The following NUP188 variants were observed in gnomAD, a reference collection of about 807,000 sequenced individuals.
The protein encoded by NUP188 is nucleoporin 188, also known as nucleoporin NUP188.
A neutral mutation model predicts 223.0 loss-of-function variants in NUP188; 97 were observed. The ratio of observed to expected loss-of-function variants is 0.43; its 90% CI spans 0.37 to 0.51. The LOEUF (loss-of-function observed/expected upper bound fraction) is 0.51. NUP188 is among the 20% of genes least tolerant of loss of function. The pLI, the probability that NUP188 is intolerant of heterozygous loss-of-function variation, is 0.00. For synonymous variants in NUP188, 869 were observed against 828.0 expected (o/e 1.05, Z -0.85); for missense variants, 1,947 against 2,175.6 (o/e 0.89, Z 2.09).
At chr9:129,004,215 G>T (rs545071140) in intron 38 of NUP188, among the ~76,000 whole-genome samples, 12 of 151,476 alleles carry the variant, frequency 7.9e-5, no homozygotes, top group African/African-American at 2.7e-4. Flanking sequence ...CTCAGGAGGT[G>T]GAGGTTGCAG....
Position 129,006,959 on chromosome 9 carries a change from C to G in NUP188, c.*281C>G. Reference sequence around the variant, plus strand: ...TTCCTTTCCAGCATTCCCCACAGCACTGCCGGCCAGGGGAGAGGCGGCAGC... The same window carrying G: ...TTCCTTTCCAGCATTCCCCACAGCAGTGCCGGCCAGGGGAGAGGCGGCAGC... On this transcript the variant is annotated 3_prime_UTR_variant, in exon 44 of 44. Transcript: ENST00000372577. 1 of 354,848 alleles carries G rather than the reference C, an allele frequency of 2.8e-6. No individual in the cohort carries two copies. The highest frequency in any genetic ancestry group is 5.1e-6 in the Non-Finnish European group (1 of 196,222). The allele number at this position is 354,848 out of a possible 1,614,324, so 22.0% of individuals were successfully genotyped here. A position where few individuals can be genotyped will look rare whatever the true frequency, so the allele number is the denominator to read the frequency against.
At chr9:128,994,793 T>C (rs1842491317) in intron 28 of NUP188, 63 bp from the exon 29 acceptor site, 1 of 1,346,252 alleles carries the variant, frequency 7.4e-7, no homozygotes, top group African/African-American at 1.4e-5. Flanking sequence ...GTTCCCTGTT[T>C]GATATACTGG....
At chr9:128,950,326 A>C (rs958333876) in intron 2 of NUP188, among the ~76,000 whole-genome samples, 1 of 151,720 alleles carries the variant, frequency 6.6e-6, no homozygotes, top group Non-Finnish European at 1.5e-5. Context: ...GGTTCAAGTG[A>C]TTCCTGCCTT....
chr9:128,998,708 G>C (rs754102576), intron 32 of NUP188, 85 bp downstream of exon 32: 12 of 1,088,682 alleles, frequency 1.1e-5, no homozygotes, highest in Non-Finnish European at 1.7e-5. Flanking sequence ...AGAAATAGTG[G>C]GTGGAAGCTG....
In NUP188 at chr9:129,002,851, C is replaced by G. The variant is rs764470697; in HGVS notation, c.4172C>G (p.Pro1391Arg). ...GCCTCTCGGAAGTCCCTGGATGCCC[C>G]CTCTTGGCCAGGAGTCTACCGCCTG... ...PSASRKSLDA[P>R]SWPGVYRLSM... The change falls in exon 37 of 44, where the codon CCC becomes CGC. Residue 1391 changes from proline to arginine, a missense_variant. Physicochemically the swap from Pro to Arg is moderately radical, Grantham distance 103. Transcript: ENST00000372577. 3 of 1,614,076 alleles carry G rather than the reference C, an allele frequency of 1.9e-6. No individual in the cohort carries two copies. The African/African-American group carries it at 4.0e-5, about 22-fold the overall frequency.
intron 25 of NUP188, among the ~76,000 whole-genome samples, chr9:128,992,561 T>C (rs901147881): frequency 6.6e-6 from 1 of 152,258 alleles, no homozygotes; most frequent in South Asian, 2.1e-4. Context: ...ATGTGCTTCA[T>C]GCCACATAGG....
chr9:128,979,912 G>A (rs937353325), intron 13 of NUP188, among the ~76,000 whole-genome samples: 7 of 152,152 alleles, frequency 4.6e-5, no homozygotes, highest in African/African-American at 1.2e-4. Flanking sequence ...GGTTACAGGC[G>A]TGAGCCACTG....
intron 27 of NUP188, 94 bp downstream of exon 27, chr9:128,993,788 T>A: frequency 8.5e-7 from 1 of 1,176,354 alleles, no homozygotes; most frequent in Non-Finnish European, 1.2e-6. Flanking sequence ...GACAGTTCAC[T>A]GGGAATAAGA....
rs1842096542 is a variant in NUP188 at position 128,970,906 on chromosome 9, T to C, written c.1061T>C (p.Val354Ala). ...GGTGGCACAGCCATCCAGCTGAATG[T>C]GTTTCAGTACTTGACCCGATTGCTC... The part of the protein sequence containing the change: ...KIGGTAIQLN[V>A]FQYLTRLLQS... Residue 354 changes from valine (V) to alanine (A), a missense_variant, in exon 11 of 44, where the codon GTG becomes GCG. Around this residue, in one of 3 missense-constraint regions of NUP188, gnomAD observed 817 missense variants for 865.8 expected, o/e 0.94. Coordinates refer to ENST00000372577, the MANE Select transcript of NUP188 (RefSeq NM_015354.3). The C allele has an allele frequency of 6.2e-7, 1 of 1,614,094 alleles. No homozygotes were observed. The highest frequency in any genetic ancestry group is 8.5e-7 in the Non-Finnish European group (1 of 1,180,020).
At chr9:128,985,060 AG>A in intron 20 of NUP188, 46 bp downstream of exon 20, 1 of 1,359,060 alleles carries the variant, frequency 7.4e-7, no homozygotes, top group East Asian at 2.3e-5. Context: ...GAAAAGGTCC[AG>A]TCTTGTCAGA....
intron 24 of NUP188, among the ~76,000 whole-genome samples, chr9:128,988,453 A>G (rs1842369005): frequency 6.6e-6 from 1 of 152,174 alleles, no homozygotes; most frequent in African/African-American, 2.4e-5. Flanking sequence ...TTTGTATCCA[A>G]TCAACTGTGT....
At chr9:128,978,964 C>G (rs1842217780) in intron 12 of NUP188, among the ~76,000 whole-genome samples, 1 of 152,188 alleles carries the variant, frequency 6.6e-6, no homozygotes, top group Non-Finnish European at 1.5e-5. Context: ...GCCGGCCTTG[C>G]CTCCCAAAGT....
In NUP188 at chr9:128,999,767, G is replaced by A. The variant is rs753908189; in HGVS notation, c.3805G>A (p.Asp1269Asn). The A allele has an allele frequency of 4.3e-6, 7 of 1,614,086 alleles. No homozygotes were observed. Among genetic ancestry groups the A allele is most frequent in the African/African-American group, 4.0e-5 (3 of 74,946 alleles). ...GGACAAGGACAGCATGGAGACTGAC[G>A]ACTGTTCTCGGTCCCGGCACAGGGA... The part of the protein sequence containing the change: ...TEDKDSMETD[D>N]CSRSRHRDQR... The change falls in exon 34 of 44, where the codon GAC (aspartate) becomes AAC (asparagine). Residue 1269 changes from aspartate to asparagine, a missense_variant. Transcript: ENST00000372577.
intron 28 of NUP188, among the ~76,000 whole-genome samples, 196 bp from the exon 29 acceptor site, chr9:128,994,660 C>T (rs1842488426): frequency 6.6e-6 from 1 of 152,208 alleles, no homozygotes; most frequent in African/African-American, 2.4e-5. Context: ...GTTGGTGGCT[C>T]TGTGGTCTTC....
chr9:129,004,452 A>T (rs1842737740), intron 38 of NUP188: 1 of 152,176 alleles, frequency 6.6e-6, no homozygotes, highest in South Asian at 2.1e-4. Flanking sequence ...GTTACTTGTA[A>T]CCTTTTATTC....
chr9:128,968,591 A>T lies in NUP188; in HGVS notation c.671A>T (p.Tyr224Phe). The T allele has an allele frequency of 6.2e-7, 1 of 1,614,072 alleles. No homozygotes were observed. The highest frequency in any genetic ancestry group is 8.5e-7 in the Non-Finnish European group (1 of 1,179,950). ...GAAATTATTTTCCTTTATTATGCAT[A>T]CTTTGAGATGGCACCCAGTGACTTA... is the stretch of plus-strand genomic sequence containing the variant. Reference protein sequence around the residue: ...LLEIIFLYYAYFEMAPSDLLV... With the variant: ...LLEIIFLYYAFFEMAPSDLLV... Residue 224 changes from tyrosine to phenylalanine, a missense_variant, in exon 9 of 44, where the codon TAC becomes TTC. Tyr to Phe is a conservative substitution (Grantham distance 22). This residue lies in a region of NUP188 where 817 missense variants were observed against 865.8 expected (regional missense o/e 0.94). Transcript: ENST00000372577.
At chr9:129,003,615 A>G (rs1323703020) in intron 38 of NUP188, 161 bp downstream of exon 38, 1 of 852,022 alleles carries the variant, frequency 1.2e-6, no homozygotes, top group Non-Finnish European at 1.9e-6. Context: ...TACTCTGGCT[A>G]AATGTTTCCT....
intron 30 of NUP188, 92 bp from the exon 31 acceptor site, chr9:128,998,059 A>G (rs1163468915): frequency 3.4e-6 from 3 of 875,950 alleles, no homozygotes; most frequent in East Asian, 4.8e-5. Context: ...TGTTTTACCA[A>G]TGACTAATTG....
rs1359653040 is a variant in NUP188 at position 128,993,352 on chromosome 9, C to T, written c.2796C>T (p.Leu932=). Reference sequence around the variant, plus strand: ...TTGCAGTAGAGACCCAGCCAGGCCTCATCGAACTGTTTCTGAACCTGGAAG... The same window carrying T: ...TTGCAGTAGAGACCCAGCCAGGCCTTATCGAACTGTTTCTGAACCTGGAAG... The part of the protein sequence containing the change: ...LTVAVETQPG[L]IELFLNLEVK... Residue 932 remains leucine, a synonymous_variant, in exon 26 of 44, where the codon CTC becomes CTT. Coordinates refer to ENST00000372577, the MANE Select transcript of NUP188 (RefSeq NM_015354.3). 3 of 1,614,196 alleles carry T rather than the reference C, an allele frequency of 1.9e-6. No homozygotes were observed. The highest frequency in any genetic ancestry group is 2.5e-6 in the Non-Finnish European group (3 of 1,180,032).
Sources: allele counts gnomAD v4.1 joint callset (sites outside exome capture counted in the v4.1 genomes callset), GRCh38; gene constraint gnomAD v4.1.1; regional missense constraint gnomAD v4.1.1; transcripts MANE v1.5; gene names NCBI Gene and HGNC (gene_info 2026-07-23, HGNC 2026-07-21).